Variants in CD3G observed in about 807,000 individuals in gnomAD.
CD3G encodes the protein CD3 gamma subunit of T-cell receptor complex.
A neutral mutation model predicts 28.3 loss-of-function variants in CD3G; 24 were observed. That is an observed-to-expected ratio of 0.85 (90% confidence interval 0.61 to 1.19). The LOEUF (loss-of-function observed/expected upper bound fraction) is 1.19. Among genes scored for constraint, CD3G ranks in the 50% most tolerant of loss-of-function variants. The pLI, the probability that CD3G is intolerant of heterozygous loss-of-function variation, is 0.00. For synonymous variants in CD3G, 71 were observed against 75.9 expected, an observed-to-expected ratio of 0.93 and a Z score of 0.34; for missense variants, 211 against 210.0, an observed-to-expected ratio of 1.00 and a Z score of -0.03.
Position 118,346,602 on chromosome 11 carries a change from G to C in CD3G, c.55+2124G>C, listed in dbSNP as rs138492545. 1.0e-3 allele frequency among the ~76,000 whole-genome samples: 156 copies of C among 152,168 alleles called. 1 individual carries two copies. The highest frequency in any genetic ancestry group is 1.9e-3 in the Non-Finnish European group (129 of 67,996). On this transcript the variant is annotated intron_variant, in intron 1 of 6. Transcript: ENST00000532917. ...AGGCTAGGGAGGGAGGATCATTTGA[G>C]CCCAGGAGTTCAAGACCAACCTGGG...
chr11:118,350,543 T>A lies in CD3G; in HGVS notation c.308-9T>A. Reference sequence around the variant, plus strand: ...CAACCTGAAGGTTTGTCTCTCCTTTTCCCTACAGTGTGTCAGAACTGCATT... The same window carrying A: ...CAACCTGAAGGTTTGTCTCTCCTTTACCCTACAGTGTGTCAGAACTGCATT... On this transcript the variant is annotated splice_polypyrimidine_tract_variant and intron_variant, in intron 3 of 6. Transcript: ENST00000532917. 1 of 1,606,608 alleles carries A rather than the reference T, an allele frequency of 6.2e-7. No homozygotes were observed.
rs1457468757 is a variant in CD3G at position 118,350,574 on chromosome 11, A to G, written c.330A>G (p.Leu110=). The G allele has an allele frequency of 6.2e-7, 1 of 1,613,472 alleles. No homozygotes were observed. The highest frequency in any genetic ancestry group is 8.5e-7 in the Non-Finnish European group (1 of 1,179,436). Reference sequence around the variant, plus strand: ...CAGTGTGTCAGAACTGCATTGAACTAAATGCAGCCACCATATCTGGCTTTC... The same window carrying G: ...CAGTGTGTCAGAACTGCATTGAACTGAATGCAGCCACCATATCTGGCTTTC... The part of the protein sequence containing the change: ...YYRMCQNCIE[L]NAATISGFLF... The change falls in exon 4 of 7, where the codon CTA becomes CTG. Residue 110 remains leucine (L), a synonymous_variant. Coordinates refer to ENST00000532917, the MANE Select transcript of CD3G (RefSeq NM_000073.3).
chr11:118,344,370 G>A lies in CD3G; in HGVS notation c.-54G>A. ...GTCTAGCTGCTGCACAGGCTGGCTGGCTGGCTGGCTGCTAAGGGCTGCTCC... is the reference window on the plus strand; with the variant it reads ...GTCTAGCTGCTGCACAGGCTGGCTGACTGGCTGGCTGCTAAGGGCTGCTCC... On this transcript the variant is annotated 5_prime_UTR_variant, in exon 1 of 7. Transcript: ENST00000532917. The A allele has an allele frequency of 4.7e-6, 7 of 1,483,222 alleles. No individual in the cohort carries two copies. Among genetic ancestry groups the A allele is most frequent in the Non-Finnish European group, 5.5e-6 (6 of 1,084,676 alleles). The allele number at this position is 1,483,222 out of a possible 1,614,324, so 91.9% of individuals were successfully genotyped here.
intron 1 of CD3G, among the ~76,000 whole-genome samples, chr11:118,348,057 A>C (rs367655876): frequency 1.3e-5 from 2 of 152,326 alleles, no homozygotes; most frequent in East Asian, 3.9e-4. Flanking sequence ...TGGATAGTGC[A>C]CACCCACTCC....
intron 1 of CD3G, among the ~76,000 whole-genome samples, chr11:118,346,415 C>T (rs541258661): frequency 2.4e-4 from 36 of 151,042 alleles, no homozygotes; most frequent in Non-Finnish European, 3.1e-4. Flanking sequence ...CCAGCCTGGG[C>T]GACAGAGTGA....
chr11:118,352,402 A>G lies in CD3G; in HGVS notation c.484-2A>G. 1.2e-6 allele frequency: 2 copies of G among 1,613,510 alleles called. No individual in the cohort carries two copies. The highest frequency in any genetic ancestry group is 1.7e-6 in the Non-Finnish European group (2 of 1,179,388). The stretch of plus-strand genomic sequence containing the variant: ...GACTTATGACTGTGCTGTCCTTTCC[A>G]GCCCCTCAAGGATCGAGAAGATGAC... On this transcript the variant is annotated splice_acceptor_variant, in intron 5 of 6. Coordinates refer to ENST00000532917, the MANE Select transcript of CD3G (RefSeq NM_000073.3). LOFTEE classifies it high-confidence loss of function.
intron 1 of CD3G, among the ~76,000 whole-genome samples, chr11:118,346,300 G>T (rs2134065727): frequency 6.6e-6 from 1 of 152,254 alleles, no homozygotes; most frequent in South Asian, 2.1e-4. Flanking sequence ...AGTGGGGTGT[G>T]GTGGTGGGTG....
chr11:118,346,786 C>T (rs1324263591), intron 1 of CD3G, among the ~76,000 whole-genome samples: 1 of 141,218 alleles, frequency 7.1e-6, no homozygotes, highest in Non-Finnish European at 1.5e-5. Flanking sequence ...GCACTTCAGC[C>T]TGAGTGACAG....
rs1329083643 is a variant in CD3G at position 118,354,122 on chromosome 11, T to C, written c.*1022T>C. The stretch of plus-strand genomic sequence containing the variant: ...ACAACAATTCTGCAATGACTAACAT[T>C]GTATAAATATCATTTTTAAAAATAA... On this transcript the variant is annotated 3_prime_UTR_variant, in exon 7 of 7. Coordinates refer to ENST00000532917, the MANE Select transcript of CD3G (RefSeq NM_000073.3). 6.6e-6 allele frequency: 1 copy of C among 152,110 alleles called. No individual in the cohort carries two copies. Among genetic ancestry groups the C allele is most frequent in the Admixed American group, 6.6e-5 (1 of 15,264 alleles). 9.4% of individuals were successfully genotyped at this position (152,110 alleles called of 1,614,324 possible). A position where few individuals can be genotyped will look rare whatever the true frequency, so the allele number is the denominator to read the frequency against.
At chr11:118,351,742 GTTATT>G in intron 5 of CD3G, 71 bp downstream of exon 5, 1 of 1,421,454 alleles carries the variant, frequency 7.0e-7, no homozygotes, top group South Asian at 1.1e-5. Context: ...TGAGGGGCAT[GTTATT>G]TGGAAGATCC....
intron 1 of CD3G, among the ~76,000 whole-genome samples, chr11:118,346,868 T>C (rs952730070): frequency 6.6e-6 from 1 of 151,570 alleles, no homozygotes; most frequent in Non-Finnish European, 1.5e-5. Flanking sequence ...GCAATCTCCT[T>C]CCCTGAATCC....
At chr11:118,349,553 A>C in intron 2 of CD3G, 190 bp from the exon 3 acceptor site, 1 of 648,194 alleles carries the variant, frequency 1.5e-6, no homozygotes. Context: ...ACCCGAGAGC[A>C]TGTTAGTAAT....
chr11:118,349,150 A>G, intron 2 of CD3G, 100 bp downstream of exon 2: 4 of 1,612,068 alleles, frequency 2.5e-6, no homozygotes, highest in Non-Finnish European at 3.4e-6. Flanking sequence ...TTTAGAATGA[A>G]TGAAATGACG....
rs1458880612 is a variant in CD3G, at chr11:118,354,904, T to G, written c.*1804T>G. 3 of 152,170 alleles carry G rather than the reference T, an allele frequency of 2.0e-5. No homozygotes were observed. Among genetic ancestry groups the G allele is most frequent in the Non-Finnish European group, 4.4e-5 (3 of 68,020 alleles). The allele number at this position is 152,170 out of a possible 1,614,324, so 9.4% of individuals were successfully genotyped here. A position where few individuals can be genotyped will look rare whatever the true frequency, so the allele number is the denominator to read the frequency against. On this transcript the variant is annotated 3_prime_UTR_variant, in exon 7 of 7. Coordinates refer to ENST00000532917, the MANE Select transcript of CD3G (RefSeq NM_000073.3). ...GGAAATATTTTCTACCAATCTGTGG[T>G]TTGTTTTTCTTAATGGTGTCTTTTG...
chr11:118,344,981 G>A (rs1948342425), intron 1 of CD3G, among the ~76,000 whole-genome samples: 1 of 152,220 alleles, frequency 6.6e-6, no homozygotes, highest in Non-Finnish European at 1.5e-5. Context: ...GGAGAGATTA[G>A]TTTTCATGGT....
chr11:118,345,303 TAGA>T (rs1948345369), intron 1 of CD3G, among the ~76,000 whole-genome samples: 4 of 152,322 alleles, frequency 2.6e-5, no homozygotes, highest in Admixed American at 1.3e-4. Context: ...AGAGAGCTTC[TAGA>T]AGAAGAGAAT....
rs374386203 is a variant in CD3G at position 118,347,902 on chromosome 11, T to C, written c.56-1125T>C. Reference sequence around the variant, plus strand: ...TCCCAAAGTGCTGGGATTACAGGTGTGAGCCACTGCTGCCAGTCAACTCTG... The same window carrying C: ...TCCCAAAGTGCTGGGATTACAGGTGCGAGCCACTGCTGCCAGTCAACTCTG... On this transcript the variant is annotated intron_variant, in intron 1 of 6. Coordinates refer to ENST00000532917, the MANE Select transcript of CD3G (RefSeq NM_000073.3). Among the ~76,000 whole-genome samples, 79 of 152,334 alleles carry C rather than the reference T, an allele frequency of 5.2e-4. No individual in the cohort carries two copies. The South Asian group carries it at 7.0e-3, about 14-fold the overall frequency.
At chr11:118,349,151 T>A in intron 2 of CD3G, 101 bp downstream of exon 2, 1 of 1,612,006 alleles carries the variant, frequency 6.2e-7, no homozygotes, top group Non-Finnish European at 8.5e-7. Context: ...TTAGAATGAA[T>A]GAAATGACGG....
chr11:118,346,232 G>C (rs548552638), intron 1 of CD3G, among the ~76,000 whole-genome samples: 1 of 151,964 alleles, frequency 6.6e-6, no homozygotes, highest in African/African-American at 2.4e-5. Context: ...TCAGGAGTTC[G>C]AGACCATCCT....
Sources: gnomAD v4.1 joint callset for allele counts (sites outside exome capture counted in the v4.1 genomes callset) on GRCh38, gnomAD v4.1.1 for gene constraint, MANE v1.5 for transcripts, NCBI Gene and HGNC (gene_info 2026-07-23, HGNC 2026-07-21) for gene names.